Variants in MAP2K1 observed in about 807,000 individuals in gnomAD.
The protein encoded by MAP2K1 is dual specificity mitogen-activated protein kinase kinase 1.
MAP2K1 carries 16 observed loss-of-function variants against 46.3 expected under a neutral mutation model. The observed-to-expected ratio is 0.35, with a 90% CI of 0.23 to 0.52. The LOEUF is 0.52. MAP2K1 is among the 20% of genes least tolerant of loss of function. The pLI is 0.94. For synonymous variants in MAP2K1, 183 were observed against 185.6 expected (o/e 0.99, Z 0.11); for missense variants, 263 against 497.1 (o/e 0.53, Z 4.48).
chr15:66,411,492 T>C (rs969461990), intron 1 of MAP2K1, among the ~76,000 whole-genome samples: 6 of 152,178 alleles, frequency 3.9e-5, no homozygotes, highest in African/African-American at 1.4e-4. Context: ...CAAATCTTTT[T>C]ATCTGCTTCT....
intron 5 of MAP2K1, among the ~76,000 whole-genome samples, chr15:66,463,377 C>A (rs918061661): frequency 6.6e-6 from 1 of 152,230 alleles, no homozygotes; most frequent in Non-Finnish European, 1.5e-5. Flanking sequence ...TGAGACTACT[C>A]TCAGTTAATT....
chr15:66,445,184 T>C (rs1028556852), intron 5 of MAP2K1, among the ~76,000 whole-genome samples: 1 of 150,152 alleles, frequency 6.7e-6, no homozygotes, highest in Non-Finnish European at 1.5e-5. Context: ...AGGTCAGGAG[T>C]TCGAAACCAG....
At chr15:66,392,257 T>TTTTG (rs2093358073) in intron 1 of MAP2K1, among the ~76,000 whole-genome samples, 1 of 104,740 alleles carries the variant, frequency 9.5e-6, no homozygotes, top group Non-Finnish European at 2.1e-5. Flanking sequence ...TTTTTTGGGT[T>TTTTG]TTTTTTTTTT....
At chr15:66,489,992 T>TGAGG in intron 10 of MAP2K1, 1 of 605,144 alleles carries the variant, frequency 1.7e-6, no homozygotes, top group Non-Finnish European at 2.9e-6. Flanking sequence ...AGGAAATGCC[T>TGAGG]GAGGGGGCCA....
intron 1 of MAP2K1, among the ~76,000 whole-genome samples, chr15:66,432,966 G>GTGTGTGTGTC (rs1555415901): frequency 6.8e-6 from 1 of 146,158 alleles, no homozygotes; most frequent in Non-Finnish European, 1.5e-5. Context: ...CACAGTGTGT[G>GTGTGTGTGTC]TGTGTGTGTG....
chr15:66,397,856 C>T (rs1302428858), intron 1 of MAP2K1, among the ~76,000 whole-genome samples: 1 of 152,224 alleles, frequency 6.6e-6, no homozygotes, highest in Non-Finnish European at 1.5e-5. Context: ...GTAATCCCAG[C>T]ACTTCGGGAG....
chr15:66,489,400 G>T (rs954299945), intron 9 of MAP2K1, 124 bp downstream of exon 9: 8 of 935,944 alleles, frequency 8.5e-6, no homozygotes, highest in Non-Finnish European at 1.4e-5. Flanking sequence ...CCCGTCTGAT[G>T]ATTCTTGGCT....
At chr15:66,411,673 G>T (rs2093411562) in intron 1 of MAP2K1, among the ~76,000 whole-genome samples, 1 of 152,300 alleles carries the variant, frequency 6.6e-6, no homozygotes, top group Admixed American at 6.5e-5. Flanking sequence ...TTGATCATTG[G>T]TGTATTCTTC....
At chr15:66,419,291 G>A (rs1004343022) in intron 1 of MAP2K1, among the ~76,000 whole-genome samples, 8 of 151,938 alleles carry the variant, frequency 5.3e-5, no homozygotes, top group Non-Finnish European at 1.0e-4. Flanking sequence ...AGGCCGAGGC[G>A]GATGGATCAC....
intron 1 of MAP2K1, among the ~76,000 whole-genome samples, chr15:66,410,114 G>A (rs926033859): frequency 2.6e-5 from 4 of 152,208 alleles, no homozygotes; most frequent in South Asian, 2.1e-4. Context: ...ATCCGGATCC[G>A]TTGACTTCTC....
rs572273283 is a variant in MAP2K1 at position 66,472,259 on chromosome 15, G to A, written c.569-9496G>A. Among the ~76,000 whole-genome samples, 9 of 151,182 alleles carry A rather than the reference G, an allele frequency of 6.0e-5. No homozygotes were observed. The East Asian group carries it at 1.6e-3, about 26-fold the overall frequency. On this transcript the variant is annotated intron_variant, in intron 5 of 10. Coordinates refer to ENST00000307102, the MANE Select transcript of MAP2K1 (RefSeq NM_002755.4). ...GGCAGAGTTGTAGTGAGCTGAGATC[G>A]TGCTACTGCACTCCAGCCTGGGCGA...
intron 5 of MAP2K1, among the ~76,000 whole-genome samples, chr15:66,474,753 A>G (rs1275164124): frequency 6.6e-6 from 1 of 151,958 alleles, no homozygotes; most frequent in African/African-American, 2.4e-5. Flanking sequence ...AGTGTTTCTC[A>G]TCTGTGTGCA....
chr15:66,414,999 G>A (rs2093421364), intron 1 of MAP2K1: 2 of 453,224 alleles, frequency 4.4e-6, no homozygotes, highest in Non-Finnish European at 8.9e-6. Context: ...TGAAGAGCAC[G>A]TAGCTTGCCA....
chr15:66,420,795 ATATATATGTG>A (rs1567003113), intron 1 of MAP2K1, among the ~76,000 whole-genome samples: 4 of 103,364 alleles, frequency 3.9e-5, no homozygotes, highest in African/African-American at 1.4e-4. Context: ...ATATGTGTGT[ATATATATGTG>A]TATATATATG....
intron 1 of MAP2K1, among the ~76,000 whole-genome samples, chr15:66,420,725 G>GTATATATA (rs1567002923): frequency 2.7e-5 from 1 of 37,730 alleles, no homozygotes; most frequent in African/African-American, 9.9e-5. Flanking sequence ...ATATATATGT[G>GTATATATA]TGTGTGTGTG....
chr15:66,393,059 C>T (rs970096211), intron 1 of MAP2K1, among the ~76,000 whole-genome samples: 1 of 152,168 alleles, frequency 6.6e-6, no homozygotes, highest in African/African-American at 2.4e-5. Context: ...CCTTGCACAT[C>T]CTTGTCTCCT....
chr15:66,487,196 A>T, intron 7 of MAP2K1, 32 bp from the exon 8 acceptor site: 1 of 1,590,312 alleles, frequency 6.3e-7, no homozygotes, highest in East Asian at 2.2e-5. Flanking sequence ...TCTGTTTCTG[A>T]GAAGTATTTT....
Position 66,491,231 on chromosome 15 carries a change from T to C in MAP2K1, c.*616T>C, listed in dbSNP as rs1893247592. ...GGCTTCACCAGTCTGTCTACTGTGG[T>C]GATCTGTAGACTTCTGGTTGTATTT... On this transcript the variant is annotated 3_prime_UTR_variant, in exon 11 of 11. Transcript: ENST00000307102. The C allele has an allele frequency of 4.1e-6, 1 of 245,382 alleles. No individual in the cohort carries two copies. The highest frequency in any genetic ancestry group is 8.0e-6 in the Non-Finnish European group (1 of 124,572). The allele number at this position is 245,382 out of a possible 1,614,324, so 15.2% of individuals were successfully genotyped here. A position where few individuals can be genotyped will look rare whatever the true frequency, so the allele number is the denominator to read the frequency against.
rs201813936 is a variant in MAP2K1 at position 66,388,803 on chromosome 15, ACT to A, written c.80+1381_80+1382del. ...TGTTTTTCAGACCTGCTCCCAACAGACTCTCTTCTTTAGTCCCCTCTCAATCC... is the reference window on the plus strand; with the variant it reads ...TGTTTTTCAGACCTGCTCCCAACAGACTCTTCTTTAGTCCCCTCTCAATCC... On this transcript the variant is annotated intron_variant, in intron 1 of 10. Coordinates refer to ENST00000307102, the MANE Select transcript of MAP2K1 (RefSeq NM_002755.4). 8.7e-3 allele frequency among the ~76,000 whole-genome samples: 1,313 copies of A among 150,114 alleles called. 28 individuals carry two copies. Among genetic ancestry groups the A allele is most frequent in the African/African-American group, 0.03 (1,236 of 40,690 alleles).
Sources: allele counts gnomAD v4.1 joint callset (sites outside exome capture counted in the v4.1 genomes callset), GRCh38; gene constraint gnomAD v4.1.1; transcripts MANE v1.5; gene names NCBI Gene and HGNC (gene_info 2026-07-23, HGNC 2026-07-21).